Variants in ENPEP observed in about 807,000 individuals in gnomAD.
The protein encoded by ENPEP is AP-A.
A neutral mutation model predicts 114.5 loss-of-function variants in ENPEP; 103 were observed. The ratio of observed to expected loss-of-function variants is 0.90; its 90% CI spans 0.77 to 1.06. The LOEUF (loss-of-function observed/expected upper bound fraction) is 1.06, where lower values mean the gene tolerates loss of function less well. Among genes scored for constraint, ENPEP ranks in the 50% least tolerant of loss-of-function variants. ENPEP has a pLI of 0.00. For missense variants in ENPEP, 1,196 were observed against 1,161.3 expected (o/e 1.03, Z -0.43); for synonymous variants, 420 against 422.0 (o/e 1.00, Z 0.06).
At chr4:110,535,369 T>C (rs1485004016) in intron 11 of ENPEP, among the ~76,000 whole-genome samples, 1 of 152,216 alleles carries the variant, frequency 6.6e-6, no homozygotes, top group East Asian at 1.9e-4. Flanking sequence ...AAATATTTAA[T>C]ACCAAAATAA....
Position 110,509,771 on chromosome 4 carries a change from G to A in ENPEP, c.1158G>A (p.Arg386=), listed in dbSNP as rs1263451725. ...PKESASSNQQ[R]VATVVAHELV... Reference sequence around the variant, plus strand: ...AATCAGCCTCATCAAACCAACAGAGGGTGGCCACTGTGGTTGCCCATGAAC... The same window carrying A: ...AATCAGCCTCATCAAACCAACAGAGAGTGGCCACTGTGGTTGCCCATGAAC... The change falls in exon 5 of 20, where the codon AGG becomes AGA. Residue 386 remains arginine (R), a synonymous_variant. Coordinates refer to ENST00000265162, the MANE Select transcript of ENPEP (RefSeq NM_001977.4). The A allele has an allele frequency of 6.2e-7, 1 of 1,613,900 alleles. No individual in the cohort carries two copies. Among genetic ancestry groups the A allele is most frequent in the Non-Finnish European group, 8.5e-7 (1 of 1,180,002 alleles).
At chr4:110,487,332 C>T (rs1724542253) in intron 1 of ENPEP, among the ~76,000 whole-genome samples, 4 of 152,312 alleles carry the variant, frequency 2.6e-5, no homozygotes, top group Admixed American at 2.0e-4. Flanking sequence ...AAACTGAATT[C>T]CTTCCCAAAA....
At chr4:110,491,907 G>T (rs1394349008) in intron 3 of ENPEP, among the ~76,000 whole-genome samples, 7 of 151,618 alleles carry the variant, frequency 4.6e-5, no homozygotes, top group Non-Finnish European at 1.0e-4. Flanking sequence ...TTTTAGTAGA[G>T]ACGGGGTTTC....
In ENPEP at chr4:110,549,679, G is replaced by A. The variant is rs749003828; in HGVS notation, c.2331-37G>A. 3.1e-6 allele frequency: 5 copies of A among 1,612,964 alleles called. No homozygotes were observed. The South Asian group carries it at 4.4e-5, about 14-fold the overall frequency. ...CTTAGAAGACACATTTGAGAAAAGA[G>A]TAGTTGAAATCTCTGAAACACTGTT... On this transcript the variant is annotated intron_variant, in intron 16 of 19. Coordinates refer to ENST00000265162, the MANE Select transcript of ENPEP (RefSeq NM_001977.4).
Position 110,549,557 on chromosome 4 carries a change from C to T in ENPEP, c.2255C>T (p.Ala752Val), listed in dbSNP as rs1727207368. 1.9e-6 allele frequency: 3 copies of T among 1,613,384 alleles called. No homozygotes were observed. Among genetic ancestry groups the T allele is most frequent in the Non-Finnish European group, 2.5e-6 (3 of 1,179,646 alleles). ...CTCCGTTCCTCCGTGTTAGGGTTTG[C>T]GTGCAAGATGGGAGACAGAGAAGCC... ...KLLRSSVLGF[A>V]CKMGDREALN... The change falls in exon 16 of 20, where the codon GCG becomes GTG. Residue 752 changes from alanine (A) to valine (V), a missense_variant. Ala to Val is a moderately conservative substitution (Grantham distance 64). Coordinates refer to ENST00000265162, the MANE Select transcript of ENPEP (RefSeq NM_001977.4).
At chr4:110,515,701 C>A in intron 8 of ENPEP, 1 of 548,298 alleles carries the variant, frequency 1.8e-6, no homozygotes, top group Non-Finnish European at 3.5e-6. Context: ...TTACATGTGT[C>A]TTAGTCAGCT....
chr4:110,518,771 G>C (rs749215377), intron 8 of ENPEP, among the ~76,000 whole-genome samples: 10 of 152,100 alleles, frequency 6.6e-5, no homozygotes, highest in Non-Finnish European at 1.5e-4. Flanking sequence ...CAAAATGTGG[G>C]AGCTTTATTA....
At chr4:110,546,701 C>G (rs1057442842) in intron 13 of ENPEP, among the ~76,000 whole-genome samples, 22 of 151,992 alleles carry the variant, frequency 1.4e-4, no homozygotes, top group African/African-American at 5.3e-4. Flanking sequence ...GCAGAGATGA[C>G]CAGAGAACAA....
rs201624755 is a variant in ENPEP, at chr4:110,553,376, C to T, written c.2563C>T (p.Arg855Ter). The T allele has an allele frequency of 8.9e-5, 144 of 1,610,656 alleles. No homozygotes were observed. Among genetic ancestry groups the T allele is most frequent in the South Asian group, 2.5e-4 (23 of 90,678 alleles). Residue 855 changes from arginine (R) to a stop codon, truncating the protein, a stop_gained, in exon 18 of 20, where the codon CGA (arginine) becomes TGA (stop). Transcript: ENST00000265162. LOFTEE classifies it high-confidence loss of function. ...IKTQDVFTVI[R>*]YISYNSYGKN... is the part of the protein sequence containing the mutation. Reference sequence around the variant, plus strand: ...AACTCAGGATGTGTTTACAGTCATTCGATATATCTCATATAACAGCTATGG... The same window carrying T: ...AACTCAGGATGTGTTTACAGTCATTTGATATATCTCATATAACAGCTATGG...
chr4:110,512,484 C>G (rs1725613180), intron 6 of ENPEP: 1 of 152,152 alleles, frequency 6.6e-6, no homozygotes, highest in African/African-American at 2.4e-5. Flanking sequence ...CATCACTTGA[C>G]AGCAGTACCT....
chr4:110,549,888 T>C lies in ENPEP; in HGVS notation c.2501+2T>C, dbSNP rs899199520. ...GAAGAACGTTACTCTTTTGTCAAGG[T>C]AAGTTGGGCTTTTATTTCACATATA... On this transcript the variant is annotated splice_donor_variant, in intron 17 of 19. Coordinates refer to ENST00000265162, the MANE Select transcript of ENPEP (RefSeq NM_001977.4). LOFTEE classifies it high-confidence loss of function. The C allele has an allele frequency of 6.2e-7, 1 of 1,603,852 alleles. No homozygotes were observed.
rs1727751309 is a variant in ENPEP at position 110,563,876 on chromosome 4, G to A, written c.*2318G>A. On this transcript the variant is annotated 3_prime_UTR_variant, in exon 20 of 20. Transcript: ENST00000265162. ...AGGCAAGGGAGGTTTGGGAAACAGG[G>A]GTGAGATGTATACCTGGGTTGAAGG... 6.6e-6 allele frequency: 1 copy of A among 152,082 alleles called. No individual in the cohort carries two copies. The highest frequency in any genetic ancestry group is 1.5e-5 in the Non-Finnish European group (1 of 68,034). The allele number at this position is 152,082 out of a possible 1,614,324, so 9.4% of individuals were successfully genotyped here. A position where few individuals can be genotyped will look rare whatever the true frequency, so the allele number is the denominator to read the frequency against.
At chr4:110,518,746 C>G (rs901140774) in intron 8 of ENPEP, among the ~76,000 whole-genome samples, 4 of 152,104 alleles carry the variant, frequency 2.6e-5, no homozygotes, top group African/African-American at 7.2e-5. Context: ...TTAGGGAGAG[C>G]AGTTTCCTTC....
intron 3 of ENPEP, among the ~76,000 whole-genome samples, chr4:110,491,718 C>CTTTTTTT (rs970695793): frequency 4.5e-5 from 3 of 66,062 alleles, no homozygotes; most frequent in Admixed American, 2.0e-4. Context: ...TTCTTTCTTT[C>CTTTTTTT]TTTTTTTTTT....
At chr4:110,542,058 T>C (rs1315332945) in intron 11 of ENPEP, among the ~76,000 whole-genome samples, 1 of 152,122 alleles carries the variant, frequency 6.6e-6, no homozygotes, top group Non-Finnish European at 1.5e-5. Flanking sequence ...AATCCATTGA[T>C]GGAAAAGTAT....
chr4:110,480,980 T>G (rs1254644136), intron 1 of ENPEP, among the ~76,000 whole-genome samples: 3 of 152,178 alleles, frequency 2.0e-5, no homozygotes, highest in Non-Finnish European at 4.4e-5. Flanking sequence ...GATTTCCAGC[T>G]GTTCCCTTCC....
At chr4:110,506,815 T>C in intron 4 of ENPEP, 58 bp downstream of exon 4, 4 of 1,307,380 alleles carry the variant, frequency 3.1e-6, no homozygotes, top group Non-Finnish European at 4.2e-6. Flanking sequence ...TTATCTAAGT[T>C]AACTCATTTC....
At chr4:110,554,127 A>G (rs1727388897) in intron 18 of ENPEP, among the ~76,000 whole-genome samples, 1 of 152,004 alleles carries the variant, frequency 6.6e-6, no homozygotes, top group South Asian at 2.1e-4. Context: ...TCTTTGATAG[A>G]GTACAAAATA....
chr4:110,481,542 A>T lies in ENPEP; in HGVS notation c.644+4484A>T, dbSNP rs139397214. Among the ~76,000 whole-genome samples, 1,014 of 152,298 alleles carry T rather than the reference A, an allele frequency of 6.7e-3. 11 individuals carry two copies. Among genetic ancestry groups the T allele is most frequent in the African/African-American group, 0.023 (975 of 41,564 alleles). On this transcript the variant is annotated intron_variant, in intron 1 of 19. Coordinates refer to ENST00000265162, the MANE Select transcript of ENPEP (RefSeq NM_001977.4). Reference sequence around the variant, plus strand: ...CTCAAATGGAATAAATGAAAATATTATCATATAAGCTCTCACATGACTAGT... The same window carrying T: ...CTCAAATGGAATAAATGAAAATATTTTCATATAAGCTCTCACATGACTAGT...
Sources: gnomAD v4.1 joint callset for allele counts (sites outside exome capture counted in the v4.1 genomes callset) on GRCh38, gnomAD v4.1.1 for gene constraint, MANE v1.5 for transcripts, NCBI Gene and HGNC (gene_info 2026-07-23, HGNC 2026-07-21) for gene names.